The following LARGE1 variants were observed in gnomAD, a reference collection of about 807,000 sequenced individuals.
The protein encoded by LARGE1 is xylosyl- and glucuronyltransferase LARGE1.
LARGE1 carries 43 observed loss-of-function variants against 87.6 expected under a neutral mutation model. The observed-to-expected ratio is 0.49, with a 90% confidence interval of 0.38 to 0.63. LARGE1 has a LOEUF of 0.63. Among genes scored for constraint, LARGE1 ranks in the 30% least tolerant of loss-of-function variants. LARGE1 has a pLI of 0.00. For missense variants in LARGE1, 802 were observed against 1,000.2 expected, an observed-to-expected ratio of 0.80 and a Z score of 2.67; for synonymous variants, 434 against 394.6, an observed-to-expected ratio of 1.10 and a Z score of -1.18.
the LARGE1 span, among the ~76,000 whole-genome samples, chr22:33,135,140 A>G: frequency 6.6e-6 from 1 of 152,216 alleles, no homozygotes; most frequent in Non-Finnish European, 1.5e-5. Flanking sequence ...CATCTTAGAC[A>G]CTACCCACTG....
intron 6 of LARGE1, among the ~76,000 whole-genome samples, chr22:33,451,585 A>C (rs1014945657): frequency 6.7e-6 from 1 of 149,310 alleles, no homozygotes; most frequent in African/African-American, 2.5e-5. Flanking sequence ...TTTGAGACCA[A>C]GTCTCGCTAT....
At chr22:33,653,588 A>G (rs1477318401) in intron 2 of LARGE1, among the ~76,000 whole-genome samples, 1 of 152,204 alleles carries the variant, frequency 6.6e-6, no homozygotes, top group Admixed American at 6.5e-5. Context: ...ATGGGAACAT[A>G]AAATGTTCCA....
chr22:33,569,769 C>T (rs1453366662), intron 5 of LARGE1, among the ~76,000 whole-genome samples: 2 of 152,208 alleles, frequency 1.3e-5, no homozygotes, highest in African/African-American at 4.8e-5. Flanking sequence ...CAAGCTGTTT[C>T]CCTTCCTCCA....
chr22:33,725,816 CA>C (rs1228961398), intron 2 of LARGE1: 1 of 152,130 alleles, frequency 6.6e-6, no homozygotes, highest in Non-Finnish European at 1.5e-5. Flanking sequence ...GTCATAATGA[CA>C]GTGTTTTTTT....
intron 2 of LARGE1, 44 bp from the exon 3 acceptor site, chr22:33,650,712 T>C: frequency 6.3e-7 from 1 of 1,594,180 alleles, no homozygotes; most frequent in Non-Finnish European, 8.5e-7. Flanking sequence ...GGATGAACCA[T>C]GCCTCAAGCC....
chr22:33,312,717 C>G (rs778958821), intron 11 of LARGE1, among the ~76,000 whole-genome samples: 1 of 152,170 alleles, frequency 6.6e-6, no homozygotes, highest in South Asian at 2.1e-4. Flanking sequence ...TTAAGTGAAA[C>G]CCTCTCACTT....
intron 6 of LARGE1, among the ~76,000 whole-genome samples, chr22:33,519,846 T>C (rs1347301628): frequency 1.3e-5 from 2 of 152,116 alleles, no homozygotes; most frequent in Non-Finnish European, 2.9e-5. Context: ...CATTTCCAAG[T>C]CGTGTTCTTA....
chr22:33,716,549 A>G (rs1001137003), intron 2 of LARGE1, among the ~76,000 whole-genome samples: 10 of 152,110 alleles, frequency 6.6e-5, no homozygotes, highest in African/African-American at 2.4e-4. Flanking sequence ...GGCAAGTACC[A>G]CCACACCCAG....
At chr22:33,401,068 GCA>G (rs1569131399) in intron 7 of LARGE1, among the ~76,000 whole-genome samples, 1 of 151,838 alleles carries the variant, frequency 6.6e-6, no homozygotes, top group African/African-American at 2.4e-5. Context: ...TTTCTCCCTC[GCA>G]CACTCTCGCA....
At chr22:33,658,090 C>T (rs1181464210) in intron 2 of LARGE1, among the ~76,000 whole-genome samples, 1 of 152,120 alleles carries the variant, frequency 6.6e-6, no homozygotes, top group Non-Finnish European at 1.5e-5. Flanking sequence ...CAACACCCTC[C>T]GAACAAGTCC....
At chr22:33,336,288 C>T (rs1410326850) in intron 10 of LARGE1, among the ~76,000 whole-genome samples, 2 of 152,098 alleles carry the variant, frequency 1.3e-5, no homozygotes, top group African/African-American at 4.8e-5. Flanking sequence ...GTAACCTCCG[C>T]CTCCCGGGTT....
At chr22:33,435,608 CCTGTATGGAAAA>C (rs1454783554) in intron 6 of LARGE1, among the ~76,000 whole-genome samples, 1 of 152,114 alleles carries the variant, frequency 6.6e-6, no homozygotes, top group African/African-American at 2.4e-5. Context: ...CACCCGCTCC[CCTGTATGGAAAA>C]CTGCAAAGAT....
chr22:33,900,224 A>G (rs1348905716), intron 1 of LARGE1, among the ~76,000 whole-genome samples: 2 of 152,224 alleles, frequency 1.3e-5, no homozygotes, highest in Non-Finnish European at 1.5e-5. Context: ...CAGGACAAGG[A>G]GGAACACAGC....
intron 6 of LARGE1, among the ~76,000 whole-genome samples, chr22:33,444,850 G>C (rs1184869935): frequency 6.6e-6 from 1 of 152,048 alleles, no homozygotes; most frequent in East Asian, 1.9e-4. Flanking sequence ...GAGACGGTGA[G>C]ACGTTGTCTT....
intron 9 of LARGE1, among the ~76,000 whole-genome samples, chr22:33,345,875 GTAAT>G (rs1205776638): frequency 6.6e-6 from 1 of 152,208 alleles, no homozygotes; most frequent in East Asian, 1.9e-4. Context: ...GTTCATAAAA[GTAAT>G]TAATGGTGCA....
Position 33,883,494 on chromosome 22 carries a change from A to C in LARGE1, c.-83+36501T>G, listed in dbSNP as rs1166506196. 3.9e-5 allele frequency among the ~76,000 whole-genome samples: 6 copies of C among 152,300 alleles called. No individual in the cohort carries two copies. The East Asian group carries it at 1.2e-3, about 29-fold the overall frequency. On this transcript the variant is annotated intron_variant, in intron 1 of 14. Transcript: ENST00000397394. ...CCTTTGCTACCTGGGGCCAATGCAC[A>C]ACCAAGAAGTAGCCTCGTGATCCTG...
At position 33,515,406 on chromosome 22, in the gene LARGE1, A is replaced by G. The variant is rs143133354; in HGVS notation, c.787+49442T>C. Among the ~76,000 whole-genome samples the G allele has an allele frequency of 6.2e-4, 95 of 152,324 alleles. 1 individual carries two copies. The East Asian group carries it at 0.018, about 28-fold the overall frequency. On this transcript the variant is annotated intron_variant, in intron 6 of 14. Transcript: ENST00000397394. ...GCAGACATCACATCCATGAAAAGGT[A>G]AACTCCGGAGGGTCTGCTTGCTGTT...
At chr22:33,854,211 G>GGA (rs2063691614) in intron 1 of LARGE1, among the ~76,000 whole-genome samples, 1 of 121,092 alleles carries the variant, frequency 8.3e-6, no homozygotes, top group Non-Finnish European at 1.7e-5. Flanking sequence ...GCACTTAAGG[G>GGA]GAAAAAAAAA....
the LARGE1 span, among the ~76,000 whole-genome samples, chr22:33,083,499 G>A: frequency 6.6e-6 from 1 of 152,188 alleles, no homozygotes; most frequent in East Asian, 1.9e-4. Context: ...TACTCACTGA[G>A]CACTTGCTAT....
Sources: allele counts gnomAD v4.1 joint callset (sites outside exome capture counted in the v4.1 genomes callset), GRCh38; gene constraint gnomAD v4.1.1; transcripts MANE v1.5; gene names NCBI Gene and HGNC (gene_info 2026-07-23, HGNC 2026-07-21).